Variants in DGKE observed in about 807,000 individuals in gnomAD.
The protein encoded by DGKE is DAG kinase epsilon.
A neutral mutation model predicts 70.0 loss-of-function variants in DGKE; 53 were observed. The observed-to-expected ratio is 0.76, with a 90% CI of 0.61 to 0.95. The LOEUF is 0.95. Ranked by LOEUF, DGKE falls within the 40% of genes least tolerant of loss-of-function variation. DGKE has a pLI of 0.00. For missense variants in DGKE, 655 were observed against 706.9 expected, an observed-to-expected ratio of 0.93 and a Z score of 0.83; for synonymous variants, 291 against 257.0, an observed-to-expected ratio of 1.13 and a Z score of -1.27.
rs1908385518 is a variant in DGKE at position 56,863,028 on chromosome 17, A to G, written c.*237A>G. ...GAATAGTATTAACTTACAAAAAGTC[A>G]CAAAAACTTACATGAGAGTGAAAAT... On this transcript the variant is annotated 3_prime_UTR_variant, in exon 12 of 12. Transcript: ENST00000284061. 2.8e-6 allele frequency: 1 copy of G among 363,248 alleles called. No homozygotes were observed. The highest frequency in any genetic ancestry group is 4.5e-5 in the East Asian group (1 of 22,244). The allele number at this position is 363,248 out of a possible 1,614,324, so 22.5% of individuals were successfully genotyped here. A position where few individuals can be genotyped will look rare whatever the true frequency, so the allele number is the denominator to read the frequency against.
chr17:56,849,090 G>C, intron 6 of DGKE, 91 bp from the exon 7 acceptor site: 2 of 1,340,390 alleles, frequency 1.5e-6, no homozygotes. Context: ...TTTGTAGATG[G>C]TATTTTAATA....
At chr17:56,860,389 C>T (rs1426405618) in intron 9 of DGKE, among the ~76,000 whole-genome samples, 1 of 152,086 alleles carries the variant, frequency 6.6e-6, no homozygotes, top group Non-Finnish European at 1.5e-5. Flanking sequence ...AATAGCTGAG[C>T]ATAGTGGCAT....
intron 9 of DGKE, 62 bp downstream of exon 9, chr17:56,858,727 T>C (rs1908104505): frequency 4.0e-6 from 5 of 1,239,822 alleles, no homozygotes; most frequent in Non-Finnish European, 4.5e-6. Flanking sequence ...ATGAAGACTT[T>C]TTAAACAGAA....
chr17:56,834,780 A>AT lies in DGKE; in HGVS notation c.-15dup. On this transcript the variant is annotated 5_prime_UTR_variant, in exon 2 of 12. Coordinates refer to ENST00000284061, the MANE Select transcript of DGKE (RefSeq NM_003647.3). ...CCGCCTGTTTCTTTTCTGGTTAGGT[A>AT]TCGTCCTTGGAGAAGATGGAAGCGG... is the stretch of plus-strand genomic sequence containing the variant. 1 of 1,584,748 alleles carries AT rather than the reference A, an allele frequency of 6.3e-7. No homozygotes were observed. Among genetic ancestry groups the AT allele is most frequent in the Non-Finnish European group, 8.6e-7 (1 of 1,166,750 alleles).
Position 56,845,699 on chromosome 17 carries a change from A to T in DGKE, c.634A>T (p.Lys212Ter). The T allele has an allele frequency of 6.2e-7, 1 of 1,608,568 alleles. No individual in the cohort carries two copies. Among genetic ancestry groups the T allele is most frequent in the South Asian group, 1.1e-5 (1 of 89,900 alleles). Residue 212 changes from lysine to a stop codon, truncating the protein, a stop_gained, in exon 4 of 12, where the codon AAG (lysine) becomes TAG (stop). Coordinates refer to ENST00000284061, the MANE Select transcript of DGKE (RefSeq NM_003647.3). LOFTEE classifies it high-confidence loss of function. ...TGGCAATTTTTTTTAGCTAGCCTCT[A>T]AGCTTGGAAAGCAGTGGACCCCATT... is the stretch of plus-strand genomic sequence containing the variant. Reference protein sequence around the residue: ...KKTDYEVLASKLGKQWTPLII... With the variant: ...KKTDYEVLAS
rs768591636 is a variant in DGKE at position 56,844,073 on chromosome 17, G to T, written c.519G>T (p.Lys173Asn). The T allele has an allele frequency of 6.3e-7, 1 of 1,578,212 alleles. No individual in the cohort carries two copies. The highest frequency in any genetic ancestry group is 1.9e-5 in the Admixed American group (1 of 51,818). Residue 173 changes from lysine to asparagine, a missense_variant, in exon 3 of 12, where the codon AAG becomes AAT. By Grantham distance (94) the Lys-to-Asn change is moderately conservative. Coordinates refer to ENST00000284061, the MANE Select transcript of DGKE (RefSeq NM_003647.3). ...ATGAGTGCATGAAAAATAGTTTAAA[G>T]AATGAAAAATGTGATTTTGGAGAAT... ...VHDECMKNSL[K>N]NEKCDFGEFK...
chr17:56,856,901 C>A (rs147336629), intron 8 of DGKE, among the ~76,000 whole-genome samples: 17 of 152,064 alleles, frequency 1.1e-4, no homozygotes, highest in African/African-American at 4.1e-4. Flanking sequence ...GAGTTCAAGA[C>A]CAGCCTGGCC....
At chr17:56,857,180 G>T (rs8067906) in intron 8 of DGKE, among the ~76,000 whole-genome samples, 37 of 152,198 alleles carry the variant, frequency 2.4e-4, no homozygotes, top group African/African-American at 8.7e-4. Context: ...TGTTTTATAG[G>T]ATATTTTGCT....
chr17:56,864,466 C>T lies in DGKE; in HGVS notation c.*1675C>T, dbSNP rs1254577127. 1.3e-5 allele frequency: 2 copies of T among 152,116 alleles called. No homozygotes were observed. Among genetic ancestry groups the T allele is most frequent in the Non-Finnish European group, 2.9e-5 (2 of 68,030 alleles). 9.4% of individuals were successfully genotyped at this position (152,116 alleles called of 1,614,324 possible). A position where few individuals can be genotyped will look rare whatever the true frequency, so the allele number is the denominator to read the frequency against. The stretch of plus-strand genomic sequence containing the variant: ...AAATACTCTATTTTGCTAAATTAAC[C>T]TCTTGCAGATCTCCTCAGGTGATCT... On this transcript the variant is annotated 3_prime_UTR_variant, in exon 12 of 12. Transcript: ENST00000284061.
chr17:56,838,151 T>C (rs2144197671), intron 2 of DGKE, among the ~76,000 whole-genome samples: 1 of 152,336 alleles, frequency 6.6e-6, no homozygotes. Context: ...TTTTTATTCA[T>C]TACATCTACC....
intron 7 of DGKE, 101 bp from the exon 8 acceptor site, chr17:56,856,411 C>A: frequency 7.7e-7 from 1 of 1,299,192 alleles, no homozygotes; most frequent in South Asian, 1.5e-5. Flanking sequence ...CAGAAAGCAT[C>A]TCCATTGTCA....
At position 56,865,114 on chromosome 17, in the gene DGKE, A is replaced by G. The variant is rs1908480507; in HGVS notation, c.*2323A>G. 1 of 152,162 alleles carries G rather than the reference A, an allele frequency of 6.6e-6. No homozygotes were observed. The highest frequency in any genetic ancestry group is 1.5e-5 in the Non-Finnish European group (1 of 68,004). 9.4% of individuals were successfully genotyped at this position (152,162 alleles called of 1,614,324 possible). A position where few individuals can be genotyped will look rare whatever the true frequency, so the allele number is the denominator to read the frequency against. ...TACTTTTTGGGCACATTTACCCAGC[A>G]TTTCAAATAAGTGTATAGGCATGTG... On this transcript the variant is annotated 3_prime_UTR_variant, in exon 12 of 12. Transcript: ENST00000284061.
chr17:56,856,605 T>C lies in DGKE; in HGVS notation c.1192T>C (p.Ser398Pro). The C allele has an allele frequency of 6.2e-7, 1 of 1,613,748 alleles. No individual in the cohort carries two copies. The highest frequency in any genetic ancestry group is 8.5e-7 in the Non-Finnish European group (1 of 1,179,852). The change falls in exon 8 of 12, where the codon TCT (serine) becomes CCT (proline). Residue 398 changes from serine to proline, a missense_variant. Transcript: ENST00000284061. ...AHREKAPSLFSSRILNKAVYL... is the reference protein window; with the variant it reads ...AHREKAPSLFPSRILNKAVYL... ...TCGTGAGAAGGCACCATCTCTGTTT[T>C]CTAGCAGAATTCTTAATAAGGTGTG...
intron 5 of DGKE, among the ~76,000 whole-genome samples, chr17:56,848,456 C>G (rs917491955): frequency 1.3e-5 from 2 of 152,114 alleles, no homozygotes; most frequent in Non-Finnish European, 2.9e-5. Flanking sequence ...CTATGCCCAA[C>G]CTAATATAGA....
intron 2 of DGKE, among the ~76,000 whole-genome samples, chr17:56,839,766 G>A (rs537845262): frequency 2.2e-3 from 328 of 151,952 alleles, no homozygotes; most frequent in African/African-American, 7.4e-3. Context: ...AGCAATCCTC[G>A]CATCTTGGCC....
rs1418955282 is a variant in DGKE at position 56,840,799 on chromosome 17, A to T, written c.465-3220A>T. 6.6e-5 allele frequency among the ~76,000 whole-genome samples: 10 copies of T among 152,126 alleles called. No homozygotes were observed. The South Asian group carries it at 1.5e-3, about 22-fold the overall frequency. On this transcript the variant is annotated intron_variant, in intron 2 of 11. Transcript: ENST00000284061. ...TGACAACTGAACTGGGAGGGGGGGG[A>T]ATAACTATAGGTGAATATCTAGGAG...
At chr17:56,854,378 G>A (rs148778137) in intron 7 of DGKE, among the ~76,000 whole-genome samples, 89 of 151,536 alleles carry the variant, frequency 5.9e-4, no homozygotes, top group Non-Finnish European at 1.2e-3. Flanking sequence ...GCGTGATCAC[G>A]GCTCACTGCA....
In DGKE at chr17:56,845,704, T is replaced by G; in HGVS notation, c.639T>G (p.Leu213=). 6.2e-7 allele frequency: 1 copy of G among 1,609,808 alleles called. No individual in the cohort carries two copies. The highest frequency in any genetic ancestry group is 8.5e-7 in the Non-Finnish European group (1 of 1,178,252). ...KTDYEVLASK[L]GKQWTPLIIL... Reference sequence around the variant, plus strand: ...ATTTTTTTTAGCTAGCCTCTAAGCTTGGAAAGCAGTGGACCCCATTAATAA... The same window carrying G: ...ATTTTTTTTAGCTAGCCTCTAAGCTGGGAAAGCAGTGGACCCCATTAATAA... Residue 213 remains leucine (L), a synonymous_variant, in exon 4 of 12, where the codon CTT becomes CTG. Coordinates refer to ENST00000284061, the MANE Select transcript of DGKE (RefSeq NM_003647.3).
chr17:56,845,577 A>C (rs1308513207), intron 3 of DGKE, 113 bp from the exon 4 acceptor site: 1 of 1,054,982 alleles, frequency 9.5e-7, no homozygotes, highest in Non-Finnish European at 1.3e-6. Context: ...AATTGAGAGA[A>C]CTAGTATAGT....
Sources: gnomAD v4.1 joint callset for allele counts (sites outside exome capture counted in the v4.1 genomes callset) on GRCh38, gnomAD v4.1.1 for gene constraint, MANE v1.5 for transcripts, NCBI Gene and HGNC (gene_info 2026-07-23, HGNC 2026-07-21) for gene names.